The following LDLRAD1 variants were observed in gnomAD, a reference collection of about 807,000 sequenced individuals.
LDLRAD1 encodes the protein low density lipoprotein receptor class A domain containing 1.
Under a neutral mutation model 24.8 loss-of-function variants are expected in LDLRAD1, and 17 were observed. The ratio of observed to expected loss-of-function variants is 0.69; its 90% CI spans 0.47 to 1.03. LDLRAD1 has a LOEUF of 1.03. LDLRAD1 is among the 50% of genes least tolerant of loss of function. The probability of loss-of-function intolerance (pLI) is 0.00; values close to 1 mark genes in which losing one functional copy is unlikely to be tolerated. For missense variants in LDLRAD1, 277 were observed against 271.0 expected (o/e 1.02, Z -0.16); for synonymous variants, 103 against 108.2 (o/e 0.95, Z 0.30).
At position 54,008,876 on chromosome 1, in the gene LDLRAD1, C is replaced by CGTATCATCAAAAA; in HGVS notation, c.*105_*106insTTTTTGATGATAC. ...CTATTCAGAAATGATGTGTAGATCCCATTTCAAAGGCTGCTTCCTGCCCTT... is the reference window on the plus strand; with the variant it reads ...CTATTCAGAAATGATGTGTAGATCCCGTATCATCAAAAAATTTCAAAGGCTGCTTCCTGCCCTT... On this transcript the variant is annotated 3_prime_UTR_variant, in exon 6 of 6. Transcript: ENST00000371360. The CGTATCATCAAAAA allele has an allele frequency of 1.0e-6, 1 of 986,048 alleles. No homozygotes were observed. The highest frequency in any genetic ancestry group is 1.5e-6 in the Non-Finnish European group (1 of 675,788). The allele number at this position is 986,048 out of a possible 1,614,324, so 61.1% of individuals were successfully genotyped here.
At chr1:54,012,397 A>G in intron 3 of LDLRAD1, 117 bp from the exon 4 acceptor site, 1 of 1,096,120 alleles carries the variant, frequency 9.1e-7, no homozygotes, top group Non-Finnish European at 1.3e-6. Flanking sequence ...GGGAGGATGG[A>G]CCCAGCGCCA....
chr1:54,012,021 T>C (rs1234484832), intron 4 of LDLRAD1, 122 bp downstream of exon 4: 7 of 1,185,324 alleles, frequency 5.9e-6, no homozygotes, highest in Non-Finnish European at 8.4e-6. Context: ...TGTTCCTGGA[T>C]GAAGGCACTG....
rs750184176 is a variant in LDLRAD1 at position 54,012,171 on chromosome 1, G to C, written c.312C>G (p.His104Gln). The change falls in exon 4 of 6, where the codon CAC becomes CAG. Residue 104 changes from histidine to glutamine, a missense_variant. Coordinates refer to ENST00000371360, the MANE Select transcript of LDLRAD1 (RefSeq NM_001010978.4). Reference sequence around the variant, plus strand: ...ACAAGCTCTCATCCTCGTCCTCGCCGTGGGTACAGGTGCGAACGCCATCAC... The same window carrying C: ...ACAAGCTCTCATCCTCGTCCTCGCCCTGGGTACAGGTGCGAACGCCATCAC... ...GVCDGVRTCT[H>Q]GEDEDESLCR... The C allele has an allele frequency of 1.2e-5, 19 of 1,614,066 alleles. No homozygotes were observed. The South Asian group carries it at 2.1e-4, about 18-fold the overall frequency.
chr1:54,013,266 A>T (rs1032250719), intron 3 of LDLRAD1, among the ~76,000 whole-genome samples: 2 of 152,080 alleles, frequency 1.3e-5, no homozygotes, highest in African/African-American at 4.8e-5. Context: ...CGCTAAACAC[A>T]CAGATGTGCA....
chr1:54,015,906 T>C (rs1410983950), intron 2 of LDLRAD1, among the ~76,000 whole-genome samples: 1 of 152,044 alleles, frequency 6.6e-6, no homozygotes, highest in Non-Finnish European at 1.5e-5. Flanking sequence ...CCGCCCACCT[T>C]GGCCTCCCGA....
chr1:54,014,367 G>A lies in LDLRAD1; in HGVS notation c.74-3C>T. On this transcript the variant is annotated splice_region_variant and splice_polypyrimidine_tract_variant and intron_variant, in intron 2 of 5. Transcript: ENST00000371360. The stretch of plus-strand genomic sequence containing the variant: ...GCAGCAGAGGTGGCCGCCGCCTGCT[G>A]TGTGGGGGGGAAACAAGCCCGGGGG... 6.5e-7 allele frequency: 1 copy of A among 1,533,288 alleles called. No homozygotes were observed. The highest frequency in any genetic ancestry group is 1.2e-5 in the South Asian group (1 of 83,774). The allele number at this position is 1,533,288 out of a possible 1,614,324, so 95.0% of individuals were successfully genotyped here.
In LDLRAD1 at chr1:54,008,891, T is replaced by TCGCAGTA; in HGVS notation, c.*90_*91insTACTGCG. On this transcript the variant is annotated 3_prime_UTR_variant, in exon 6 of 6. Transcript: ENST00000371360. ...GTGTAGATCCCATTTCAAAGGCTGC[T>TCGCAGTA]TCCTGCCCTTGTGCGCTAGGATTTG... The TCGCAGTA allele has an allele frequency of 1.8e-6, 2 of 1,109,572 alleles. No homozygotes were observed. Among genetic ancestry groups the TCGCAGTA allele is most frequent in the South Asian group, 2.1e-5 (1 of 46,718 alleles). The allele number at this position is 1,109,572 out of a possible 1,614,324, so 68.7% of individuals were successfully genotyped here. A position where few individuals can be genotyped will look rare whatever the true frequency, so the allele number is the denominator to read the frequency against.
In LDLRAD1 at chr1:54,010,428, A is replaced by G. The variant is rs1656003170; in HGVS notation, c.341-18T>C. 1 of 1,613,272 alleles carries G rather than the reference A, an allele frequency of 6.2e-7. No individual in the cohort carries two copies. The highest frequency in any genetic ancestry group is 8.5e-7 in the Non-Finnish European group (1 of 1,179,898). On this transcript the variant is annotated intron_variant, in intron 4 of 5. Coordinates refer to ENST00000371360, the MANE Select transcript of LDLRAD1 (RefSeq NM_001010978.4). ...CACATCTCCTGTAGAGGTACAGAGG[A>G]GGCAGGAAGAAGTCCACATCTGGCC...
At chr1:54,013,664 C>T (rs2100257053) in intron 3 of LDLRAD1, among the ~76,000 whole-genome samples, 1 of 152,260 alleles carries the variant, frequency 6.6e-6, no homozygotes, top group Admixed American at 6.5e-5. Flanking sequence ...CATCCCCCCA[C>T]TACTAATACC....
rs768627264 is a variant in LDLRAD1 at position 54,008,702 on chromosome 1, G to A, written c.*280C>T. The A allele has an allele frequency of 2.3e-5, 8 of 344,342 alleles. No homozygotes were observed. Among genetic ancestry groups the A allele is most frequent in the African/African-American group, 4.2e-5 (2 of 47,206 alleles). 21.3% of individuals were successfully genotyped at this position (344,342 alleles called of 1,614,324 possible). ...GTAGCTGGGACTATAGGTGTGCACC[G>A]CCATGCCTGGCTAATTTTTGTATTT... is the stretch of plus-strand genomic sequence containing the variant. On this transcript the variant is annotated 3_prime_UTR_variant, in exon 6 of 6. Coordinates refer to ENST00000371360, the MANE Select transcript of LDLRAD1 (RefSeq NM_001010978.4).
chr1:54,017,963 C>A, intron 1 of LDLRAD1, 129 bp downstream of exon 1: 1 of 854,812 alleles, frequency 1.2e-6, no homozygotes, highest in Non-Finnish European at 2.0e-6. Flanking sequence ...CTGGTCAGGG[C>A]GGCTCTTACC....
At chr1:54,012,032 G>T in intron 4 of LDLRAD1, 111 bp downstream of exon 4, 1 of 1,302,488 alleles carries the variant, frequency 7.7e-7, no homozygotes, top group South Asian at 1.3e-5. Flanking sequence ...GAAGGCACTG[G>T]AGCATCAAAG....
At chr1:54,010,258 C>T in intron 5 of LDLRAD1, 24 bp downstream of exon 5, 1 of 1,612,994 alleles carries the variant, frequency 6.2e-7, no homozygotes, top group Non-Finnish European at 8.5e-7. Flanking sequence ...CCAGCCCCAG[C>T]CCAGCCTGTG....
At position 54,007,944 on chromosome 1, in the gene LDLRAD1, T is replaced by C. The variant is rs1655884082; in HGVS notation, c.*1038A>G. ...CTCATCCATCTAATGGAAATATTCA[T>C]CCTTGCCTGCCTGGGTGGTGTGAAG... On this transcript the variant is annotated 3_prime_UTR_variant, in exon 6 of 6. Transcript: ENST00000371360. 6.6e-6 allele frequency: 1 copy of C among 152,238 alleles called. No homozygotes were observed. Among genetic ancestry groups the C allele is most frequent in the Non-Finnish European group, 1.5e-5 (1 of 68,090 alleles). 9.4% of individuals were successfully genotyped at this position (152,238 alleles called of 1,614,324 possible).
In LDLRAD1 at chr1:54,014,331, C is replaced by A; in HGVS notation, c.107G>T (p.Gly36Val). 1.3e-6 allele frequency: 2 copies of A among 1,549,178 alleles called. No homozygotes were observed. The highest frequency in any genetic ancestry group is 1.7e-6 in the Non-Finnish European group (2 of 1,146,682). ...CAGCAGAGAGGCAGAGAGGCAGGCC[C>A]CGCGACGTGAGCAGCAGAGGTGGCC... ...GGGHLCCSRR[G>V]ACLSASLLLL... The change falls in exon 3 of 6, where the codon GGG (glycine) becomes GTG (valine). Residue 36 changes from glycine to valine, a missense_variant. Physicochemically the swap from Gly to Val is moderately radical, Grantham distance 109. Transcript: ENST00000371360.
At chr1:54,013,818 C>T (rs114725940) in intron 3 of LDLRAD1, among the ~76,000 whole-genome samples, 3,655 of 152,256 alleles carry the variant, frequency 0.024, 45 homozygotes, top group Non-Finnish European at 0.03. Context: ...TTGTTCACCC[C>T]TGAAGCTGGG....
intron 4 of LDLRAD1, among the ~76,000 whole-genome samples, chr1:54,011,886 G>A (rs1451891210): frequency 1.3e-5 from 2 of 152,196 alleles, no homozygotes; most frequent in Non-Finnish European, 2.9e-5. Flanking sequence ...CCTGGAGGAG[G>A]TAACATTTGA....
chr1:54,008,898 C>CGAAT lies in LDLRAD1; in HGVS notation c.*83_*84insATTC. The CGAAT allele has an allele frequency of 8.9e-7, 1 of 1,119,082 alleles. No homozygotes were observed. Among genetic ancestry groups the CGAAT allele is most frequent in the African/African-American group, 2.2e-5 (1 of 46,452 alleles). 69.3% of individuals were successfully genotyped at this position (1,119,082 alleles called of 1,614,324 possible). A position where few individuals can be genotyped will look rare whatever the true frequency, so the allele number is the denominator to read the frequency against. ...TCCCATTTCAAAGGCTGCTTCCTGC[C>CGAAT]CTTGTGCGCTAGGATTTGATTTTCA... On this transcript the variant is annotated 3_prime_UTR_variant, in exon 6 of 6. Coordinates refer to ENST00000371360, the MANE Select transcript of LDLRAD1 (RefSeq NM_001010978.4).
At chr1:54,017,183 G>A (rs1463623860) in intron 2 of LDLRAD1, among the ~76,000 whole-genome samples, 193 bp downstream of exon 2, 2 of 152,246 alleles carry the variant, frequency 1.3e-5, no homozygotes, top group Non-Finnish European at 2.9e-5. Flanking sequence ...TGTGCATGGA[G>A]AGAATGAATA....
Sources: allele counts gnomAD v4.1 joint callset (sites outside exome capture counted in the v4.1 genomes callset), GRCh38; gene constraint gnomAD v4.1.1; transcripts MANE v1.5; gene names NCBI Gene and HGNC (gene_info 2026-07-23, HGNC 2026-07-21).